Variants in TMEM37 observed in about 807,000 individuals in gnomAD.
TMEM37 encodes voltage-dependent calcium channel gamma-like subunit.
Under a neutral mutation model 11.0 loss-of-function variants are expected in TMEM37, and 12 were observed. That is an observed-to-expected ratio of 1.09 (90% confidence interval 0.70 to 1.76). The LOEUF is 1.76. Among genes scored for constraint, TMEM37 ranks in the 40% most tolerant of loss-of-function variants. TMEM37 has a pLI of 0.00. For missense variants in TMEM37, 203 were observed against 251.2 expected (o/e 0.81, Z 1.30); for synonymous variants, 127 against 110.5 (o/e 1.15, Z -0.94).
chr2:119,433,743 G>T (rs988628679), intron 1 of TMEM37, among the ~76,000 whole-genome samples: 1 of 152,088 alleles, frequency 6.6e-6, no homozygotes, highest in African/African-American at 2.4e-5. Context: ...ACCCTGCAGG[G>T]GTCCTCTAGG....
At chr2:119,435,294 G>A (rs931155958) in intron 1 of TMEM37, among the ~76,000 whole-genome samples, 1 of 152,208 alleles carries the variant, frequency 6.6e-6, no homozygotes, top group Non-Finnish European at 1.5e-5. Flanking sequence ...CCCAGAAGCA[G>A]GGCTTTATTT....
upstream of TMEM37, chr2:119,429,978 G>A: frequency 2.6e-6 from 4 of 1,550,428 alleles, no homozygotes; most frequent in Non-Finnish European, 3.5e-6. Context: ...CTTCCCTCTT[G>A]GCCAGGTGAG....
At chr2:119,436,281 C>T (rs80267660) in intron 1 of TMEM37, among the ~76,000 whole-genome samples, 2,428 of 152,138 alleles carry the variant, frequency 0.016, 63 homozygotes, top group African/African-American at 0.053. Context: ...GGGTACAGGC[C>T]GCACAGGTCT....
chr2:119,432,209 G>A (rs1232136110), intron 1 of TMEM37: 1 of 351,356 alleles, frequency 2.8e-6, no homozygotes, highest in African/African-American at 2.1e-5. Context: ...AACTTCATTT[G>A]GAAAGATTTT....
intron 1 of TMEM37, among the ~76,000 whole-genome samples, chr2:119,434,117 C>A (rs1441852052): frequency 6.6e-6 from 1 of 152,086 alleles, no homozygotes; most frequent in Non-Finnish European, 1.5e-5. Context: ...AGATTAAAGT[C>A]CAGTCTGCCT....
chr2:119,437,603 G>C lies in TMEM37; in HGVS notation c.*163G>C, dbSNP rs531379854. 25 of 985,094 alleles carry C rather than the reference G, an allele frequency of 2.5e-5. No individual in the cohort carries two copies. Among genetic ancestry groups the C allele is most frequent in the Admixed American group, 5.7e-5 (2 of 35,292 alleles). 61.0% of individuals were successfully genotyped at this position (985,094 alleles called of 1,614,324 possible). ...ACTTGTGGGTGGTCAGCCAGAAATG[G>C]CCCGGGGGCCTCTGCACCTGGTCTG... On this transcript the variant is annotated 3_prime_UTR_variant, in exon 2 of 2. Coordinates refer to ENST00000306406, the MANE Select transcript of TMEM37 (RefSeq NM_183240.3).
In TMEM37 at chr2:119,436,930, CT is replaced by C. The variant is rs759829080; in HGVS notation, c.66del (p.Phe22LeufsTer125). On this transcript the variant is annotated frameshift_variant, in exon 2 of 2. Coordinates refer to ENST00000306406, the MANE Select transcript of TMEM37 (RefSeq NM_183240.3). LOFTEE classifies it low-confidence loss of function (END_TRUNC). The stretch of plus-strand genomic sequence containing the variant: ...GCCAAAGGCAGCCCCGCCGGTCCTT[CT>C]TTGAATCCTTCATCCGGACCCTCAT... ...LGQRQPRRSF[F>X]ESFIRTLIIT... 6.2e-7 allele frequency: 1 copy of C among 1,614,242 alleles called. No individual in the cohort carries two copies. Among genetic ancestry groups the C allele is most frequent in the African/African-American group, 1.3e-5 (1 of 75,068 alleles).
intron 1 of TMEM37, 171 bp downstream of exon 1, chr2:119,432,095 G>A (rs966072105): frequency 2.2e-5 from 9 of 417,302 alleles, no homozygotes; most frequent in Admixed American, 4.6e-5. Flanking sequence ...GAGGAGGCTG[G>A]GCGGGGAGCA....
intron 1 of TMEM37, among the ~76,000 whole-genome samples, chr2:119,436,611 G>A (rs1278486104): frequency 6.6e-6 from 1 of 152,160 alleles, no homozygotes; most frequent in Non-Finnish European, 1.5e-5. Flanking sequence ...TTGCCAGTCG[G>A]TTTGGACTTC....
Position 119,436,885 on chromosome 2 carries a change from C to T in TMEM37, c.22-4C>T, listed in dbSNP as rs767615353. On this transcript the variant is annotated splice_region_variant and splice_polypyrimidine_tract_variant and intron_variant, in intron 1 of 1. Transcript: ENST00000306406. ...GACAGGGTGCTTCCTACGGTTTTTT[C>T]CAGGCCCAGAGGCCTTTGGGCCAAA... The T allele has an allele frequency of 1.2e-6, 2 of 1,605,770 alleles. No individual in the cohort carries two copies. The highest frequency in any genetic ancestry group is 3.4e-5 in the Admixed American group (2 of 58,582).
In TMEM37 at chr2:119,437,511, C is replaced by G; in HGVS notation, c.*71C>G. 1 of 1,534,364 alleles carries G rather than the reference C, an allele frequency of 6.5e-7. No homozygotes were observed. The highest frequency in any genetic ancestry group is 8.8e-7 in the Non-Finnish European group (1 of 1,140,088). On this transcript the variant is annotated 3_prime_UTR_variant, in exon 2 of 2. Transcript: ENST00000306406. ...AAAATATGGTCAAAATGGGACTTTTCCAGCATGTGGCCTCTGGTGGGGCTG... is the reference window on the plus strand; with the variant it reads ...AAAATATGGTCAAAATGGGACTTTTGCAGCATGTGGCCTCTGGTGGGGCTG...
upstream of TMEM37, chr2:119,430,082 C>G (rs1382941363): frequency 3.0e-6 from 3 of 996,718 alleles, no homozygotes; most frequent in Non-Finnish European, 4.5e-6. Flanking sequence ...GTCTTCCTTT[C>G]CCATGTGGGC....
chr2:119,434,207 G>A (rs1682456677), intron 1 of TMEM37, among the ~76,000 whole-genome samples: 1 of 152,168 alleles, frequency 6.6e-6, no homozygotes, highest in Admixed American at 6.5e-5. Context: ...AGGTTTCTGG[G>A]TCCTGTGATT....
upstream of TMEM37, chr2:119,430,283 C>A (rs912835975): frequency 3.3e-6 from 2 of 608,044 alleles, no homozygotes; most frequent in African/African-American, 3.6e-5. Flanking sequence ...GCACCAACAT[C>A]ACTTGAGGCC....
At chr2:119,433,239 G>T (rs1011005055) in intron 1 of TMEM37, among the ~76,000 whole-genome samples, 1 of 152,250 alleles carries the variant, frequency 6.6e-6, no homozygotes, top group Non-Finnish European at 1.5e-5. Flanking sequence ...AAGGGCGGGT[G>T]CTCCGGCCGC....
rs186605869 is a variant in TMEM37, at chr2:119,435,066, C to T, written c.22-1823C>T. ...TGAGTGATCTCAGGCAAGTCACCTG[C>T]CCTCTGCATAGTTTCCTTCTCTGTA... On this transcript the variant is annotated intron_variant, in intron 1 of 1. Transcript: ENST00000306406. Among the ~76,000 whole-genome samples, 181 of 152,350 alleles carry T rather than the reference C, an allele frequency of 1.2e-3. 1 individual carries two copies. The highest frequency in any genetic ancestry group is 3.4e-3 in the Middle Eastern group (1 of 294).
In TMEM37 at chr2:119,431,923, A is replaced by G; in HGVS notation, c.20A>G (p.Gln7Arg). 1.6e-6 allele frequency: 2 copies of G among 1,224,698 alleles called. No homozygotes were observed. The highest frequency in any genetic ancestry group is 1.0e-6 in the Non-Finnish European group (1 of 983,340). The allele number at this position is 1,224,698 out of a possible 1,614,324, so 75.9% of individuals were successfully genotyped here. ...CGCAGCATGACTGCCGTCGGCGTGC[A>G]GGTAGCCGGCGCCTGGCGGGGCGCT... MTAVGV[Q>R]AQRPLGQRQP... Residue 7 changes from glutamine to arginine, a missense_variant and splice_region_variant, in exon 1 of 2, where the codon CAG (glutamine) becomes CGG (arginine). Physicochemically the swap from Gln to Arg is conservative, Grantham distance 43 (BLOSUM62 1). Coordinates refer to ENST00000306406, the MANE Select transcript of TMEM37 (RefSeq NM_183240.3).
chr2:119,437,047 C>A lies in TMEM37; in HGVS notation c.180C>A (p.Leu60=), dbSNP rs775149081. 6 of 1,602,630 alleles carry A rather than the reference C, an allele frequency of 3.7e-6. No homozygotes were observed. In the South Asian group the frequency reaches 6.6e-5, roughly 18 times the overall value. The change falls in exon 2 of 2, where the codon CTC becomes CTA. Residue 60 remains leucine (L), a synonymous_variant. Transcript: ENST00000306406. ...TGGCTGAGGACCGCCTCTTCGGGCT[C>A]TGGCACTTCTGCACCACCACCAACC... ...WLLAEDRLFG[L]WHFCTTTNQT...
In TMEM37 at chr2:119,437,554, G is replaced by C. The variant is rs1682527730; in HGVS notation, c.*114G>C. ...TGGGGCTGGGTTGGACAAGGGCCTT[G>C]AAACGGCTGCCTGTTTGCCGATAAC... On this transcript the variant is annotated 3_prime_UTR_variant, in exon 2 of 2. Coordinates refer to ENST00000306406, the MANE Select transcript of TMEM37 (RefSeq NM_183240.3). 21 of 1,356,060 alleles carry C rather than the reference G, an allele frequency of 1.5e-5. No individual in the cohort carries two copies. Among genetic ancestry groups the C allele is most frequent in the Non-Finnish European group, 2.0e-5 (20 of 1,001,542 alleles). The allele number at this position is 1,356,060 out of a possible 1,614,324, so 84.0% of individuals were successfully genotyped here. A position where few individuals can be genotyped will look rare whatever the true frequency, so the allele number is the denominator to read the frequency against.
Sources: gnomAD v4.1 joint callset for allele counts (sites outside exome capture counted in the v4.1 genomes callset) on GRCh38, gnomAD v4.1.1 for gene constraint, MANE v1.5 for transcripts, NCBI Gene and HGNC (gene_info 2026-07-23, HGNC 2026-07-21) for gene names.